The following ACCSL variants were observed in gnomAD, a reference collection of about 807,000 sequenced individuals.
ACCSL encodes the protein probable inactive 1-aminocyclopropane-1-carboxylate synthase-like protein 2.
Under a neutral mutation model 61.7 loss-of-function variants are expected in ACCSL, and 55 were observed. That is an observed-to-expected ratio of 0.89 (90% confidence interval 0.72 to 1.12). ACCSL has a LOEUF of 1.12. ACCSL is among the 50% of genes most tolerant of loss of function. The pLI is 0.00. For missense variants in ACCSL, 632 were observed against 698.0 expected (o/e 0.91, Z 1.07); for synonymous variants, 258 against 264.3 (o/e 0.98, Z 0.23).
chr11:44,042,648 TTG>T, the ACCSL span, among the ~76,000 whole-genome samples: 4 of 134,678 alleles, frequency 3.0e-5, no homozygotes, highest in African/African-American at 1.3e-4. Context: ...TTTGTTTTGT[TTG>T]TTTTTTTTGT....
chr11:43,958,558 T>G, the ACCSL span, among the ~76,000 whole-genome samples: 1 of 152,234 alleles, frequency 6.6e-6, no homozygotes, highest in Non-Finnish European at 1.5e-5. Context: ...CTTTCTCTAT[T>G]GCAATTCCCC....
At chr11:44,051,449 T>C (rs543825284) in intron 4 of ACCSL, 45 bp downstream of exon 4, 2 of 1,607,850 alleles carry the variant, frequency 1.2e-6, no homozygotes, top group Admixed American at 1.7e-5. Context: ...TGGAGGGCTA[T>C]ATTCTTGGAG....
chr11:44,000,047 G>T, the ACCSL span, among the ~76,000 whole-genome samples: 1 of 152,186 alleles, frequency 6.6e-6, no homozygotes, highest in Non-Finnish European at 1.5e-5. Flanking sequence ...GGAAGGCCAA[G>T]CGGGGGCGGA....
At chr11:43,952,239 A>G in the ACCSL span, among the ~76,000 whole-genome samples, 24 of 152,098 alleles carry the variant, frequency 1.6e-4, no homozygotes, top group African/African-American at 4.6e-4. Context: ...TCCACCTTCA[A>G]GTAGGTTCCT....
the ACCSL span, among the ~76,000 whole-genome samples, chr11:44,015,978 G>A: frequency 6.6e-6 from 1 of 152,280 alleles, no homozygotes; most frequent in South Asian, 2.1e-4. Context: ...TATTGCAGAA[G>A]CTCCAATTCT....
the ACCSL span, among the ~76,000 whole-genome samples, chr11:43,981,523 T>G: frequency 3.3e-5 from 5 of 152,228 alleles, no homozygotes; most frequent in South Asian, 2.1e-4. Context: ...TGTCAATATG[T>G]TAAAGAAAAA....
chr11:43,943,567 G>T, the ACCSL span: 1 of 1,314,992 alleles, frequency 7.6e-7, no homozygotes, highest in Non-Finnish European at 1.0e-6. The surrounding 1 kb of genome is among the most constrained non-coding windows in gnomAD (Gnocchi z 4.8). Flanking sequence ...AGGCGCGCCC[G>T]CGCTGAGTCG....
the ACCSL span, among the ~76,000 whole-genome samples, chr11:44,008,411 G>A: frequency 2.0e-5 from 3 of 152,196 alleles, no homozygotes; most frequent in South Asian, 2.1e-4. Context: ...TTATCTCTCC[G>A]GGACCTCCCA....
chr11:43,971,192 G>T, the ACCSL span, among the ~76,000 whole-genome samples: 1 of 151,052 alleles, frequency 6.6e-6, no homozygotes. Flanking sequence ...AATTAGCCGG[G>T]CATGGTGGCA....
chr11:43,991,779 C>CA, the ACCSL span, among the ~76,000 whole-genome samples: 1 of 152,082 alleles, frequency 6.6e-6, no homozygotes, highest in South Asian at 2.1e-4. Context: ...GGGTGAAAGA[C>CA]AAGACTCTGT....
chr11:43,935,722 G>A, the ACCSL span, among the ~76,000 whole-genome samples: 5 of 152,066 alleles, frequency 3.3e-5, no homozygotes, highest in Non-Finnish European at 7.4e-5. Context: ...GAAACTCCCG[G>A]GCTCAAGTGA....
At chr11:44,002,114 C>T in the ACCSL span, among the ~76,000 whole-genome samples, 1 of 152,000 alleles carries the variant, frequency 6.6e-6, no homozygotes, top group Admixed American at 6.6e-5. Context: ...GAAGTGTTTG[C>T]CCTTGCTCCT....
chr11:43,970,212 T>A, the ACCSL span, among the ~76,000 whole-genome samples: 2 of 151,996 alleles, frequency 1.3e-5, no homozygotes, highest in African/African-American at 4.8e-5. Flanking sequence ...TAATAAGTAT[T>A]TTTTATTTTT....
At chr11:43,940,790 T>C in the ACCSL span, among the ~76,000 whole-genome samples, 1 of 152,034 alleles carries the variant, frequency 6.6e-6, no homozygotes, top group East Asian at 1.9e-4. Flanking sequence ...AGTGTATTCT[T>C]GCCTTAGCGT....
the ACCSL span, among the ~76,000 whole-genome samples, chr11:43,923,982 A>G: frequency 6.6e-6 from 1 of 152,170 alleles, no homozygotes; most frequent in African/African-American, 2.4e-5. Flanking sequence ...GACAGTCCCT[A>G]TTCTCATGTG....
At chr11:43,996,649 G>A in the ACCSL span, among the ~76,000 whole-genome samples, 1 of 152,082 alleles carries the variant, frequency 6.6e-6, no homozygotes. Flanking sequence ...GCCTCCAGTG[G>A]GGCTGCAGGT....
the ACCSL span, among the ~76,000 whole-genome samples, chr11:43,936,465 C>T: frequency 6.6e-6 from 1 of 151,288 alleles, no homozygotes; most frequent in East Asian, 1.9e-4. Context: ...ACACTGGCAC[C>T]CAGGGGCATT....
At chr11:44,010,609 A>T in the ACCSL span, among the ~76,000 whole-genome samples, 1 of 152,122 alleles carries the variant, frequency 6.6e-6, no homozygotes. Context: ...CTATGTTCAC[A>T]TTTTCCCACT....
the ACCSL span, among the ~76,000 whole-genome samples, chr11:44,027,175 G>A: frequency 6.6e-6 from 1 of 152,194 alleles, no homozygotes; most frequent in African/African-American, 2.4e-5. Flanking sequence ...GGTATTTTGT[G>A]TTCATTGGGG....
Sources: gnomAD v4.1 joint callset for allele counts (sites outside exome capture counted in the v4.1 genomes callset) on GRCh38, gnomAD v4.1.1 for gene constraint, Gnocchi (gnomAD v3.1) non-coding constraint, MANE v1.5 for transcripts, NCBI Gene and HGNC (gene_info 2026-07-23, HGNC 2026-07-21) for gene names.